The following USH2A variants were observed in gnomAD, a reference collection of about 807,000 sequenced individuals.
The protein encoded by USH2A is usherin.
Under a neutral mutation model 538.9 loss-of-function variants are expected in USH2A, and 443 were observed. The observed-to-expected ratio is 0.82, with a 90% CI of 0.76 to 0.89. The LOEUF (loss-of-function observed/expected upper bound fraction) is 0.89. Ranked by LOEUF, USH2A falls within the 40% of genes least tolerant of loss-of-function variation. The pLI is 0.00. For synonymous variants in USH2A, 2,413 were observed against 2,273.5 expected, an observed-to-expected ratio of 1.06 and a Z score of -1.75; for missense variants, 6,633 against 6,324.8, an observed-to-expected ratio of 1.05 and a Z score of -1.65.
At chr1:216,401,925 A>G (rs2039312305) in intron 3 of USH2A, among the ~76,000 whole-genome samples, 1 of 152,138 alleles carries the variant, frequency 6.6e-6, no homozygotes, top group Admixed American at 6.6e-5. Flanking sequence ...AGAATCACTC[A>G]AGAAAAGTAT....
At chr1:215,968,635 T>C (rs184152913) in intron 36 of USH2A, among the ~76,000 whole-genome samples, 1 of 152,242 alleles carries the variant, frequency 6.6e-6, no homozygotes, top group Admixed American at 6.5e-5. Flanking sequence ...GAATAGTATT[T>C]CCCTGCATGT....
At chr1:216,089,976 T>A (rs1181515811) in intron 22 of USH2A, among the ~76,000 whole-genome samples, 1 of 151,868 alleles carries the variant, frequency 6.6e-6, no homozygotes, top group Non-Finnish European at 1.5e-5. Flanking sequence ...TATCCCAACT[T>A]TGTCACCAAC....
Position 215,813,727 on chromosome 1 carries a change from A to T in USH2A, c.9739+9T>A. ...ATAGTTTTTGAGTACACCTGGAAAT[A>T]ACCCTCACCTGGTAGAATTCTAGCG... On this transcript the variant is annotated intron_variant, in intron 49 of 71. Transcript: ENST00000307340. 3 of 1,613,772 alleles carry T rather than the reference A, an allele frequency of 1.9e-6. No individual in the cohort carries two copies. Among genetic ancestry groups the T allele is most frequent in the Non-Finnish European group, 1.7e-6 (2 of 1,179,780 alleles).
intron 15 of USH2A, among the ~76,000 whole-genome samples, chr1:216,213,544 A>G (rs560468497): frequency 6.6e-6 from 1 of 152,202 alleles, no homozygotes; most frequent in East Asian, 1.9e-4. Context: ...TAAAAATGAA[A>G]TAAAGAACTT....
At position 216,246,900 on chromosome 1, in the gene USH2A, C is replaced by T; in HGVS notation, c.2494G>A (p.Gly832Arg). Residue 832 changes from glycine (G) to arginine (R), a missense_variant, in exon 13 of 72, where the codon GGA (glycine) becomes AGA (arginine). Transcript: ENST00000307340. ...EGRQCNKCLE[G>R]NFYLRQNNSF... ...TTATTTTGCCGTAGGTAGAAGTTTC[C>T]CTCCAAACATTTATTGCACTGTCTC... is the stretch of plus-strand genomic sequence containing the variant. 1 of 1,614,108 alleles carries T rather than the reference C, an allele frequency of 6.2e-7. No individual in the cohort carries two copies. The highest frequency in any genetic ancestry group is 8.5e-7 in the Non-Finnish European group (1 of 1,179,992).
At chr1:216,039,587 T>TAAGAGGA (rs2030171542) in intron 32 of USH2A, among the ~76,000 whole-genome samples, 1 of 152,028 alleles carries the variant, frequency 6.6e-6, no homozygotes, top group African/African-American at 2.4e-5. Flanking sequence ...TACTGCAATG[T>TAAGAGGA]GATATTTAAA....
At chr1:215,677,039 C>A (rs1658053856) in intron 62 of USH2A, among the ~76,000 whole-genome samples, 1 of 152,122 alleles carries the variant, frequency 6.6e-6, no homozygotes, top group Admixed American at 6.6e-5. Flanking sequence ...TTCCCCTAAC[C>A]ACTAACACCC....
chr1:216,102,005 G>T (rs921362071), intron 21 of USH2A, among the ~76,000 whole-genome samples: 4 of 152,090 alleles, frequency 2.6e-5, no homozygotes, highest in African/African-American at 4.8e-5. Flanking sequence ...ATTAGGCAAA[G>T]AATTCTTAAA....
chr1:216,193,503 A>G lies in USH2A; in HGVS notation c.4251+3050T>C, dbSNP rs576260188. ...AAAATGGCAAACCTATTAGTAGTGG[A>G]TTGTATAGTGTCTCCCAAAAATTCA... On this transcript the variant is annotated intron_variant, in intron 19 of 71. Coordinates refer to ENST00000307340, the MANE Select transcript of USH2A (RefSeq NM_206933.4). Among the ~76,000 whole-genome samples, 5 of 152,156 alleles carry G rather than the reference A, an allele frequency of 3.3e-5. No homozygotes were observed. In the East Asian group the frequency reaches 9.7e-4, roughly 30 times the overall value.
chr1:215,716,101 T>C (rs1242934517), intron 61 of USH2A, among the ~76,000 whole-genome samples: 1 of 151,990 alleles, frequency 6.6e-6, no homozygotes, highest in Non-Finnish European at 1.5e-5. Context: ...TACAAATAAC[T>C]GTCAGGGGTC....
chr1:215,640,436 G>A (rs1656635508), intron 68 of USH2A, 122 bp downstream of exon 68: 2 of 1,280,080 alleles, frequency 1.6e-6, no homozygotes, highest in South Asian at 2.5e-5. Flanking sequence ...TCACAAGAAG[G>A]GGGCACTTAA....
At chr1:216,107,543 TCTTG>T (rs72429427) in intron 21 of USH2A, among the ~76,000 whole-genome samples, 50,480 of 151,280 alleles carry the variant, frequency 0.33, 9,585 homozygotes, top group East Asian at 0.82. Context: ...CCTTTGTAAG[TCTTG>T]CTTATTTAGC....
At chr1:216,286,950 A>G (rs2036898447) in intron 11 of USH2A, among the ~76,000 whole-genome samples, 1 of 152,194 alleles carries the variant, frequency 6.6e-6, no homozygotes, top group South Asian at 2.1e-4. Flanking sequence ...ATTTTACGAG[A>G]GTATTATCCT....
At chr1:216,264,631 C>G (rs1048502152) in intron 11 of USH2A, among the ~76,000 whole-genome samples, 5 of 151,942 alleles carry the variant, frequency 3.3e-5, no homozygotes, top group Admixed American at 6.6e-5. Flanking sequence ...GTCACCTGTT[C>G]AAAAAGAGCA....
chr1:216,383,464 A>G (rs2038953053), intron 3 of USH2A, among the ~76,000 whole-genome samples: 1 of 152,212 alleles, frequency 6.6e-6, no homozygotes, highest in Non-Finnish European at 1.5e-5. Flanking sequence ...TGCTATTGTA[A>G]TGCTTGAAAT....
chr1:215,753,392 C>T (rs1660683620), intron 58 of USH2A, among the ~76,000 whole-genome samples: 1 of 152,070 alleles, frequency 6.6e-6, no homozygotes, highest in African/African-American at 2.4e-5. Context: ...TTCACAATAG[C>T]AAAGACTTGG....
intron 21 of USH2A, among the ~76,000 whole-genome samples, chr1:216,140,210 T>C (rs2033573933): frequency 6.6e-6 from 1 of 152,160 alleles, no homozygotes; most frequent in Admixed American, 6.5e-5. Flanking sequence ...CGGATTGCTG[T>C]TCACCTGCTG....
rs1425143299 is a variant in USH2A, at chr1:216,078,146, C to T, written c.5515G>A (p.Val1839Met). 10 of 1,613,740 alleles carry T rather than the reference C, an allele frequency of 6.2e-6. No individual in the cohort carries two copies. The highest frequency in any genetic ancestry group is 8.5e-6 in the Non-Finnish European group (10 of 1,179,788). The change falls in exon 27 of 72, where the codon GTG becomes ATG. Residue 1839 changes from valine (V) to methionine (M), a missense_variant. By Grantham distance (21) the Val-to-Met change is conservative (BLOSUM62 1). Transcript: ENST00000307340. Reference protein sequence around the residue: ...QPLVVNSPVYVGGIPQELLNS... With the variant: ...QPLVVNSPVYMGGIPQELLNS... ...AGCAGTTCCTGTGGGATTCCTCCCA[C>T]ATAAACTGGTGAATTCACCACCAGT...
Position 215,750,585 on chromosome 1 carries a change from C to T in USH2A, c.11390-7250G>A, listed in dbSNP as rs115725475. 3.6e-3 allele frequency among the ~76,000 whole-genome samples: 548 copies of T among 152,274 alleles called. 9 individuals are homozygous for T. Among genetic ancestry groups the T allele is most frequent in the Non-Finnish European group, 3.4e-3 (234 of 68,012 alleles). On this transcript the variant is annotated intron_variant, in intron 58 of 71. Coordinates refer to ENST00000307340, the MANE Select transcript of USH2A (RefSeq NM_206933.4). The stretch of plus-strand genomic sequence containing the variant: ...AATTACATTGTCCTCATTCATACTT[C>T]CTATATATAAAGCAAAAATCAGTTT...
Sources: allele counts gnomAD v4.1 joint callset (sites outside exome capture counted in the v4.1 genomes callset), GRCh38; gene constraint gnomAD v4.1.1; transcripts MANE v1.5; gene names NCBI Gene and HGNC (gene_info 2026-07-23, HGNC 2026-07-21).